The following KBTBD11 variants were observed in gnomAD, a reference collection of about 807,000 sequenced individuals.
The protein encoded by KBTBD11 is kelch repeat and BTB domain containing 11.
For synonymous variants in KBTBD11, 747 were observed against 499.0 expected (o/e 1.50, Z -6.63); for missense variants, 1,390 against 1,001.8 (o/e 1.39, Z -5.23).
intron 1 of KBTBD11, among the ~76,000 whole-genome samples, chr8:1,989,923 G>GTTTTTTTT (rs5888896): frequency 1.4e-5 from 1 of 71,712 alleles, no homozygotes; most frequent in Admixed American, 2.1e-4. Context: ...GTCTCAGGTG[G>GTTTTTTTT]TTTTTTTTTT....
At chr8:1,986,946 G>C (rs188919300) in intron 1 of KBTBD11, among the ~76,000 whole-genome samples, 1 of 147,808 alleles carries the variant, frequency 6.8e-6, no homozygotes, top group Admixed American at 6.8e-5. Context: ...GCTGATGCAG[G>C]AGGACCAGGG....
chr8:1,978,350 C>T (rs1261854305), intron 1 of KBTBD11, among the ~76,000 whole-genome samples: 2 of 152,246 alleles, frequency 1.3e-5, no homozygotes, highest in Non-Finnish European at 2.9e-5. Flanking sequence ...GCACCAGATG[C>T]GGAGCTTGAA....
intron 1 of KBTBD11, among the ~76,000 whole-genome samples, chr8:1,990,389 G>A (rs1217663339): frequency 1.4e-5 from 2 of 146,132 alleles, no homozygotes; most frequent in African/African-American, 2.5e-5. Context: ...GGGCCTTGGC[G>A]CCCTGTCCGG....
intron 1 of KBTBD11, chr8:1,975,446 T>TACACAA (rs1292044318): frequency 6.6e-6 from 1 of 152,276 alleles, no homozygotes; most frequent in Non-Finnish European, 1.5e-5. Context: ...AATGTGTAGA[T>TACACAA]ACACAAACAC....
chr8:1,995,263 C>G (rs540820802), intron 1 of KBTBD11, among the ~76,000 whole-genome samples: 2 of 152,030 alleles, frequency 1.3e-5, no homozygotes, highest in East Asian at 3.9e-4. Context: ...TTTCTTTTAT[C>G]CATGTAGTAT....
At chr8:1,980,438 G>A (rs1816502132) in intron 1 of KBTBD11, among the ~76,000 whole-genome samples, 1 of 152,164 alleles carries the variant, frequency 6.6e-6, no homozygotes, top group African/African-American at 2.4e-5. Flanking sequence ...TGTTGGCCAG[G>A]ATGGTCCCAA....
Position 2,001,878 on chromosome 8 carries a change from C to A in KBTBD11, c.686C>A (p.Pro229Gln), listed in dbSNP as rs924278099. The change falls in exon 2 of 2, where the codon CCG (proline) becomes CAG (glutamine). Residue 229 changes from proline to glutamine, a missense_variant. Transcript: ENST00000320248. ...CAGCGCGCCACCGACGCCGTGGGGC[C>A]GCAGCTGAGCCTGGCCAACTGCTAC... is the stretch of plus-strand genomic sequence containing the variant. ...AAQRATDAVG[P>Q]QLSLANCYEV... The A allele has an allele frequency of 1.5e-6, 2 of 1,353,690 alleles. No homozygotes were observed. Among genetic ancestry groups the A allele is most frequent in the African/African-American group, 1.5e-5 (1 of 65,370 alleles). The allele number at this position is 1,353,690 out of a possible 1,614,324, so 83.9% of individuals were successfully genotyped here. A position where few individuals can be genotyped will look rare whatever the true frequency, so the allele number is the denominator to read the frequency against.
At chr8:1,985,464 T>G (rs1276676765) in intron 1 of KBTBD11, among the ~76,000 whole-genome samples, 1 of 152,286 alleles carries the variant, frequency 6.6e-6, no homozygotes, top group Non-Finnish European at 1.5e-5. Context: ...CACAGCAGCG[T>G]CTGTCCTGGC....
At chr8:1,979,655 T>C (rs11781392) in intron 1 of KBTBD11, among the ~76,000 whole-genome samples, 113,067 of 151,522 alleles carry the variant, frequency 0.75, 42,347 homozygotes, top group South Asian at 0.85. Context: ...TAGTGACATT[T>C]GGACTGTGAT....
chr8:1,974,138 G>C (rs1352140582), intron 1 of KBTBD11, among the ~76,000 whole-genome samples: 2 of 134,778 alleles, frequency 1.5e-5, no homozygotes, highest in Admixed American at 7.2e-5. Flanking sequence ...CGGAGGGGAG[G>C]GGAGGGGGGA....
intron 1 of KBTBD11, among the ~76,000 whole-genome samples, chr8:1,978,512 C>A (rs927115870): frequency 7.2e-5 from 11 of 152,182 alleles, no homozygotes; most frequent in African/African-American, 2.7e-4. Context: ...AGCGTGGCAG[C>A]CTTGATGCAG....
At chr8:1,976,746 G>C (rs546715655) in intron 1 of KBTBD11, among the ~76,000 whole-genome samples, 13 of 152,196 alleles carry the variant, frequency 8.5e-5, no homozygotes, top group Non-Finnish European at 1.3e-4. Context: ...TGAAGGAGAG[G>C]AATACATTCC....
At position 2,005,004 on chromosome 8, in the gene KBTBD11, G is replaced by T. The variant is rs1401467512; in HGVS notation, c.*1940G>T. 6.0e-6 allele frequency: 1 copy of T among 167,014 alleles called. No individual in the cohort carries two copies. The highest frequency in any genetic ancestry group is 1.5e-5 in the Non-Finnish European group (1 of 68,110). 10.3% of individuals were successfully genotyped at this position (167,014 alleles called of 1,614,324 possible). A position where few individuals can be genotyped will look rare whatever the true frequency, so the allele number is the denominator to read the frequency against. ...TGCTGTTATCACTGTGATTTTACTT[G>T]TGAAATCATTCCTGTAATGTTTATT... is the stretch of plus-strand genomic sequence containing the variant. On this transcript the variant is annotated 3_prime_UTR_variant, in exon 2 of 2. Coordinates refer to ENST00000320248, the MANE Select transcript of KBTBD11 (RefSeq NM_014867.3).
intron 1 of KBTBD11, among the ~76,000 whole-genome samples, chr8:1,995,631 A>T (rs1015319623): frequency 6.6e-6 from 1 of 152,174 alleles, no homozygotes; most frequent in Non-Finnish European, 1.5e-5. Context: ...CTGCCTGCCC[A>T]GAAGCTGTGG....
intron 1 of KBTBD11, chr8:1,975,175 T>C (rs1816291216): frequency 1.3e-5 from 2 of 152,272 alleles, no homozygotes; most frequent in Admixed American, 1.3e-4. Context: ...AGATTTATGG[T>C]AACTGGCATT....
At chr8:1,982,469 G>T (rs1396882465) in intron 1 of KBTBD11, among the ~76,000 whole-genome samples, 1 of 148,448 alleles carries the variant, frequency 6.7e-6, no homozygotes, top group Non-Finnish European at 1.5e-5. Context: ...GCATGAATGG[G>T]TTAAAAAAAC....
intron 1 of KBTBD11, among the ~76,000 whole-genome samples, chr8:1,993,386 C>T (rs113773192): frequency 0.053 from 5,952 of 112,626 alleles, 166 homozygotes; most frequent in Non-Finnish European, 0.084. Flanking sequence ...TCCGTCCGTC[C>T]GTCCGTCCAT....
chr8:2,002,389 C>G lies in KBTBD11; in HGVS notation c.1197C>G (p.Arg399=). 4 of 1,480,560 alleles carry G rather than the reference C, an allele frequency of 2.7e-6. No homozygotes were observed. Among genetic ancestry groups the G allele is most frequent in the African/African-American group, 1.5e-5 (1 of 68,350 alleles). 91.7% of individuals were successfully genotyped at this position (1,480,560 alleles called of 1,614,324 possible). A position where few individuals can be genotyped will look rare whatever the true frequency, so the allele number is the denominator to read the frequency against. Residue 399 remains arginine, a synonymous_variant, in exon 2 of 2, where the codon CGC becomes CGG. Coordinates refer to ENST00000320248, the MANE Select transcript of KBTBD11 (RefSeq NM_014867.3). This position sits in a 1 kb window ranked among gnomAD's most constrained non-coding sequence, Gnocchi z 4.1. ...TDSWSAVRPL[R]QARSQLRLLA... is the part of the protein sequence containing the mutation. ...GCTGGAGCGCCGTGAGGCCCCTGCG[C>G]CAGGCGCGCTCGCAGCTGCGGCTGC...
At chr8:1,992,984 C>T (rs1362072398) in intron 1 of KBTBD11, among the ~76,000 whole-genome samples, 3 of 152,090 alleles carry the variant, frequency 2.0e-5, no homozygotes, top group Non-Finnish European at 2.9e-5. Context: ...GTTGCCCAGG[C>T]TGGAATGTAG....
Sources: gnomAD v4.1 joint callset for allele counts (sites outside exome capture counted in the v4.1 genomes callset) on GRCh38, gnomAD v4.1.1 for gene constraint, Gnocchi (gnomAD v3.1) non-coding constraint, MANE v1.5 for transcripts, NCBI Gene and HGNC (gene_info 2026-07-23, HGNC 2026-07-21) for gene names.